Variants in LYRM4 observed in about 807,000 individuals in gnomAD.
LYRM4 encodes the protein LYR motif-containing protein 4.
A neutral mutation model predicts 11.7 loss-of-function variants in LYRM4; 9 were observed. The observed-to-expected ratio is 0.77, with a 90% CI of 0.46 to 1.34. The LOEUF is 1.34. LYRM4 is among the 40% of genes most tolerant of loss of function. The pLI is 0.00. For synonymous variants in LYRM4, 42 were observed against 40.4 expected, an observed-to-expected ratio of 1.04 and a Z score of -0.15; for missense variants, 133 against 112.5, an observed-to-expected ratio of 1.18 and a Z score of -0.82.
intron 2 of LYRM4, among the ~76,000 whole-genome samples, chr6:5,214,519 GA>G (rs1762158306): frequency 6.6e-6 from 1 of 152,180 alleles, no homozygotes; most frequent in African/African-American, 2.4e-5. Context: ...TCTTTCTTTT[GA>G]AAAAGATCAC....
chr6:5,139,418 G>A lies in LYRM4; in HGVS notation c.208-29927C>T, dbSNP rs372352013. Among the ~76,000 whole-genome samples the A allele has an allele frequency of 1.2e-4, 18 of 152,350 alleles. No individual in the cohort carries two copies. The South Asian group carries it at 3.5e-3, about 30-fold the overall frequency. On this transcript the variant is annotated intron_variant, in intron 2 of 2. Transcript: ENST00000330636. ...ACACTGTATTTACAAATACAAACTGGAGTAGGACAATGAGGAGTATCAGAT... is the reference window on the plus strand; with the variant it reads ...ACACTGTATTTACAAATACAAACTGAAGTAGGACAATGAGGAGTATCAGAT...
the LYRM4 span, chr6:5,085,851 C>T: frequency 4.6e-6 from 7 of 1,529,176 alleles, no homozygotes; most frequent in South Asian, 7.2e-5. Context: ...TCGGCCCGGG[C>T]GGCTGCTGCG....
chr6:5,109,258 T>A lies in LYRM4; in HGVS notation c.*165A>T. 2 of 1,484,180 alleles carry A rather than the reference T, an allele frequency of 1.3e-6. No homozygotes were observed. Among genetic ancestry groups the A allele is most frequent in the South Asian group, 2.8e-5 (2 of 71,804 alleles). The allele number at this position is 1,484,180 out of a possible 1,614,324, so 91.9% of individuals were successfully genotyped here. A position where few individuals can be genotyped will look rare whatever the true frequency, so the allele number is the denominator to read the frequency against. On this transcript the variant is annotated 3_prime_UTR_variant, in exon 3 of 3. Coordinates refer to ENST00000330636, the MANE Select transcript of LYRM4 (RefSeq NM_020408.6). ...ACCAAGGAAAGACAGCAGTCCTTTT[T>A]CACTAAGCCTGCAACAGAATGCAAA...
At position 5,112,877 on chromosome 6, in the gene LYRM4, C is replaced by G. The variant is rs1044287814; in HGVS notation, c.208-3386G>C. Among the ~76,000 whole-genome samples, 4 of 152,024 alleles carry G rather than the reference C, an allele frequency of 2.6e-5. No individual in the cohort carries two copies. The South Asian group carries it at 6.2e-4, about 24-fold the overall frequency. ...GATTGGACGTGGAGACTGCCAGAGACAGAAATGGGCTGAGTGTGGATAGAG... is the reference window on the plus strand; with the variant it reads ...GATTGGACGTGGAGACTGCCAGAGAGAGAAATGGGCTGAGTGTGGATAGAG... On this transcript the variant is annotated intron_variant, in intron 2 of 2. Coordinates refer to ENST00000330636, the MANE Select transcript of LYRM4 (RefSeq NM_020408.6).
chr6:5,150,614 C>A (rs1338933273), intron 2 of LYRM4, among the ~76,000 whole-genome samples: 1 of 152,140 alleles, frequency 6.6e-6, no homozygotes, highest in Non-Finnish European at 1.5e-5. Context: ...CTCCTTTGGC[C>A]ACCTTGAAAA....
At chr6:5,235,814 A>G (rs1303315831) in intron 1 of LYRM4, among the ~76,000 whole-genome samples, 1 of 152,248 alleles carries the variant, frequency 6.6e-6, no homozygotes, top group Non-Finnish European at 1.5e-5. Context: ...TTACTTGGTT[A>G]CAAAGTGGTT....
chr6:5,229,425 G>A (rs1219398255), intron 1 of LYRM4, among the ~76,000 whole-genome samples: 2 of 152,178 alleles, frequency 1.3e-5, no homozygotes, highest in African/African-American at 4.8e-5. Context: ...GCAGACGTCT[G>A]ATTACATCCA....
At chr6:5,193,609 A>C (rs764430684) in intron 2 of LYRM4, among the ~76,000 whole-genome samples, 1 of 152,134 alleles carries the variant, frequency 6.6e-6, no homozygotes, top group Non-Finnish European at 1.5e-5. Flanking sequence ...GTTAATCAGA[A>C]GTGCTAAAAG....
At chr6:5,081,886 C>G in the LYRM4 span, among the ~76,000 whole-genome samples, 1 of 152,026 alleles carries the variant, frequency 6.6e-6, no homozygotes, top group Non-Finnish European at 1.5e-5. Context: ...TTAACTCCAC[C>G]CACTGACCTC....
intron 2 of LYRM4, among the ~76,000 whole-genome samples, chr6:5,196,127 G>A (rs1301609258): frequency 1.3e-5 from 2 of 152,166 alleles, no homozygotes; most frequent in Admixed American, 1.3e-4. Context: ...ACTCAAGGAC[G>A]CTGGGGCAAC....
chr6:5,101,968 C>CTGTTTTTTTTTTTT (rs1762513646), downstream of LYRM4, among the ~76,000 whole-genome samples: 1 of 67,988 alleles, frequency 1.5e-5, no homozygotes, highest in Non-Finnish European at 3.0e-5. Context: ...CTAATGCTTT[C>CTGTTTTTTTTTTTT]TTTTTTTTTT....
the LYRM4 span, among the ~76,000 whole-genome samples, chr6:5,096,284 G>A: frequency 2.6e-5 from 4 of 152,032 alleles, no homozygotes; most frequent in Admixed American, 6.5e-5. Context: ...GAGGCCAGGA[G>A]TTTGAGACCA....
chr6:5,194,206 C>CG (rs1760923274), intron 2 of LYRM4, among the ~76,000 whole-genome samples: 2 of 152,118 alleles, frequency 1.3e-5, no homozygotes, highest in Non-Finnish European at 2.9e-5. Flanking sequence ...AGAAAAGATA[C>CG]GTTACCTCTT....
In LYRM4 at chr6:5,203,871, C is replaced by T. The variant is rs190641594; in HGVS notation, c.207+12747G>A. Among the ~76,000 whole-genome samples the T allele has an allele frequency of 1.2e-4, 18 of 152,278 alleles. No homozygotes were observed. In the East Asian group the frequency reaches 3.1e-3, roughly 26 times the overall value. ...TATGGGGCTGAAACCAAAGTGGGAA[C>T]GTCTCCATCAGGATTTGTTTTAGCA... On this transcript the variant is annotated intron_variant, in intron 2 of 2. Coordinates refer to ENST00000330636, the MANE Select transcript of LYRM4 (RefSeq NM_020408.6).
intron 2 of LYRM4, among the ~76,000 whole-genome samples, chr6:5,131,598 T>C (rs541062992): frequency 7.8e-4 from 119 of 152,226 alleles, no homozygotes; most frequent in African/African-American, 2.8e-3. Flanking sequence ...AAAGAAAACA[T>C]TGTCTGTAAG....
chr6:5,172,749 C>T (rs114262019), intron 2 of LYRM4, among the ~76,000 whole-genome samples: 2,005 of 152,304 alleles, frequency 0.013, 39 homozygotes, highest in African/African-American at 0.044. Context: ...TCTAAAGAGA[C>T]ACGTTAAGGC....
intron 2 of LYRM4, among the ~76,000 whole-genome samples, chr6:5,191,310 G>C (rs1197926622): frequency 1.3e-5 from 2 of 152,176 alleles, no homozygotes; most frequent in African/African-American, 4.8e-5. Flanking sequence ...TTTTGTCCAT[G>C]TCAGCGGTCC....
chr6:5,203,877 C>T (rs892991630), intron 2 of LYRM4, among the ~76,000 whole-genome samples: 4 of 152,198 alleles, frequency 2.6e-5, no homozygotes, highest in Non-Finnish European at 4.4e-5. Context: ...GGAACGTCTC[C>T]ATCAGGATTT....
intron 2 of LYRM4, among the ~76,000 whole-genome samples, chr6:5,112,051 G>A (rs181300087): frequency 7.6e-4 from 115 of 152,308 alleles, no homozygotes; most frequent in African/African-American, 2.6e-3. Context: ...ACAGGGAGGG[G>A]AGAAATGTGT....
Sources: gnomAD v4.1 joint callset for allele counts (sites outside exome capture counted in the v4.1 genomes callset) on GRCh38, gnomAD v4.1.1 for gene constraint, MANE v1.5 for transcripts, NCBI Gene and HGNC (gene_info 2026-07-23, HGNC 2026-07-21) for gene names.